The following SASH1 variants were observed in gnomAD, a reference collection of about 807,000 sequenced individuals.
SASH1 encodes the protein SAM and SH3 domain containing 1.
SASH1 carries 44 observed loss-of-function variants against 125.2 expected under a neutral mutation model. The observed-to-expected ratio is 0.35, with a 90% CI of 0.28 to 0.45. SASH1 has a LOEUF of 0.45. Ranked by LOEUF, SASH1 falls within the 20% of genes least tolerant of loss-of-function variation. SASH1 has a pLI of 1.00. For synonymous variants in SASH1, 639 were observed against 649.1 expected (o/e 0.98, Z 0.24); for missense variants, 1,426 against 1,614.5 (o/e 0.88, Z 2.00).
the SASH1 span, chr6:148,237,749 A>T: frequency 6.6e-6 from 1 of 152,242 alleles, no homozygotes; most frequent in East Asian, 1.9e-4. Flanking sequence ...GTATCAGCAG[A>T]CATGGGCAAA....
rs148362817 is a variant in SASH1, at chr6:148,461,531, C to T, written c.387-7014C>T. ...ATCATGGGGCCAAGCAAGAGAGGTG[C>T]ATAGGGCATGGAATTTAAGGAGGCA... On this transcript the variant is annotated intron_variant, in intron 4 of 19. Coordinates refer to ENST00000367467, the MANE Select transcript of SASH1 (RefSeq NM_015278.5). 1.0e-3 allele frequency among the ~76,000 whole-genome samples: 154 copies of T among 152,236 alleles called. 1 individual carries two copies. Among genetic ancestry groups the T allele is most frequent in the African/African-American group, 3.5e-3 (145 of 41,548 alleles).
chr6:148,510,035 A>G (rs550963046), intron 8 of SASH1, among the ~76,000 whole-genome samples: 1 of 152,332 alleles, frequency 6.6e-6, no homozygotes, highest in Non-Finnish European at 1.5e-5. Flanking sequence ...TAAAGCAGCT[A>G]TAGTTTTGTG....
At chr6:148,527,401 C>T (rs928921678) in intron 11 of SASH1, 52 bp from the exon 12 acceptor site, 1 of 1,499,648 alleles carries the variant, frequency 6.7e-7, no homozygotes, top group Non-Finnish European at 8.9e-7. Flanking sequence ...AATAATAAAA[C>T]CTGTTCTTCA....
rs1782160482 is a variant in SASH1 at position 148,360,641 on chromosome 6, C to CT, written c.156+17418_156+17419insT. On this transcript the variant is annotated intron_variant, in intron 1 of 19. Coordinates refer to ENST00000367467, the MANE Select transcript of SASH1 (RefSeq NM_015278.5). ...TGGGATTACAGGCGTGAGCCACCCCCCCGCCAGGCTTTAAAGCCTTTTTAA... is the reference window on the plus strand; with the variant it reads ...TGGGATTACAGGCGTGAGCCACCCCCTCCGCCAGGCTTTAAAGCCTTTTTAA... Among the ~76,000 whole-genome samples, 2 of 128,048 alleles carry CT rather than the reference C, an allele frequency of 1.6e-5. 1 individual carries two copies. Among genetic ancestry groups the CT allele is most frequent in the Admixed American group, 1.5e-4 (2 of 13,312 alleles). 84.0% of individuals were successfully genotyped at this position (128,048 alleles called of 152,430 possible).
chr6:148,486,979 A>G (rs1468396726), intron 7 of SASH1, among the ~76,000 whole-genome samples: 2 of 57,092 alleles, frequency 3.5e-5, no homozygotes, highest in Non-Finnish European at 3.8e-5. Context: ...ATATATATAT[A>G]TATATATATA....
At chr6:148,501,643 A>G (rs1733282906) in intron 8 of SASH1, among the ~76,000 whole-genome samples, 1 of 152,152 alleles carries the variant, frequency 6.6e-6, no homozygotes, top group African/African-American at 2.4e-5. Flanking sequence ...TCTCTGACCT[A>G]TGGTCAGGGT....
At chr6:148,268,142 C>A (rs748393130), upstream of SASH1, among the ~76,000 whole-genome samples, 260 of 152,224 alleles carry the variant, frequency 1.7e-3, 4 homozygotes, top group Non-Finnish European at 1.2e-3. Flanking sequence ...AAGAGATTTG[C>A]AATGATAAGA....
intron 2 of SASH1, among the ~76,000 whole-genome samples, chr6:148,435,310 G>A (rs1583155406): frequency 6.6e-6 from 1 of 151,050 alleles, no homozygotes; most frequent in African/African-American, 2.4e-5. Context: ...CCTGGGAGGT[G>A]GAGGTTGCAG....
intron 1 of SASH1, among the ~76,000 whole-genome samples, chr6:148,326,699 G>A (rs1734974361): frequency 6.6e-6 from 1 of 151,962 alleles, no homozygotes; most frequent in Non-Finnish European, 1.5e-5. Flanking sequence ...ACCTCGCCTG[G>A]CCGCCATATT....
chr6:148,209,673 ATCCATGTACTC>A, the SASH1 span, among the ~76,000 whole-genome samples: 1 of 152,190 alleles, frequency 6.6e-6, no homozygotes, highest in Non-Finnish European at 1.5e-5. Flanking sequence ...TGTATCCAGC[ATCCATGTACTC>A]TCTGGGAGAA....
chr6:148,270,183 AG>A (rs1779029294), upstream of SASH1, among the ~76,000 whole-genome samples: 1 of 152,210 alleles, frequency 6.6e-6, no homozygotes, highest in African/African-American at 2.4e-5. Flanking sequence ...AACAGGGAAG[AG>A]GGTGGCAAAG....
intron 1 of SASH1, among the ~76,000 whole-genome samples, chr6:148,366,061 C>T (rs574201652): frequency 2.0e-5 from 3 of 151,576 alleles, no homozygotes; most frequent in East Asian, 3.9e-4. Flanking sequence ...TGCGGTGAGC[C>T]GAGGTGGCAC....
intron 4 of SASH1, among the ~76,000 whole-genome samples, chr6:148,445,087 A>C (rs914933766): frequency 6.6e-6 from 1 of 152,168 alleles, no homozygotes; most frequent in African/African-American, 2.4e-5. Flanking sequence ...ATTCACATAT[A>C]ATGAGCAGTG....
chr6:148,391,964 A>G (rs1783744866), intron 2 of SASH1, among the ~76,000 whole-genome samples: 1 of 152,144 alleles, frequency 6.6e-6, no homozygotes, highest in Admixed American at 6.5e-5. Context: ...GTTTTAAGTA[A>G]CAGAGTTCCT....
intron 1 of SASH1, among the ~76,000 whole-genome samples, chr6:148,311,624 T>G (rs1437816443): frequency 6.6e-6 from 1 of 151,772 alleles, no homozygotes; most frequent in East Asian, 2.0e-4. Flanking sequence ...GTCAACATGG[T>G]GAAACCCCAT....
chr6:148,530,097 G>A (rs182849229), intron 12 of SASH1, among the ~76,000 whole-genome samples: 8 of 152,044 alleles, frequency 5.3e-5, no homozygotes, highest in African/African-American at 1.4e-4. Context: ...GAGCCACTGC[G>A]CCCACCTTGT....
chr6:148,438,241 T>G (rs1776376732), intron 2 of SASH1, among the ~76,000 whole-genome samples: 1 of 152,214 alleles, frequency 6.6e-6, no homozygotes, highest in Middle Eastern at 3.2e-3. Flanking sequence ...ATTAAAAAAT[T>G]GCTAATTATA....
chr6:148,423,690 G>A (rs990570209), intron 2 of SASH1, among the ~76,000 whole-genome samples: 3 of 152,028 alleles, frequency 2.0e-5, no homozygotes, highest in Non-Finnish European at 2.9e-5. Flanking sequence ...GCTTAACTGC[G>A]AGCTCTTGAA....
the SASH1 span, among the ~76,000 whole-genome samples, chr6:148,242,625 T>C: frequency 1.3e-5 from 2 of 152,330 alleles, no homozygotes; most frequent in East Asian, 3.9e-4. Flanking sequence ...CAAGGTTATT[T>C]ACAAGTTAAG....
Sources: allele counts gnomAD v4.1 joint callset (sites outside exome capture counted in the v4.1 genomes callset), GRCh38; gene constraint gnomAD v4.1.1; transcripts MANE v1.5; gene names NCBI Gene and HGNC (gene_info 2026-07-23, HGNC 2026-07-21).